Variants in TDRD12 observed in about 807,000 individuals in gnomAD.
TDRD12 encodes the protein putative ATP-dependent RNA helicase TDRD12.
Under a neutral mutation model 133.5 loss-of-function variants are expected in TDRD12, and 158 were observed. The observed-to-expected ratio is 1.18, with a 90% CI of 1.04 to 1.35. The LOEUF (loss-of-function observed/expected upper bound fraction) is 1.35, where lower values mean the gene tolerates loss of function less well. Ranked by LOEUF, TDRD12 falls within the 40% of genes most tolerant of loss-of-function variation. The pLI is 0.00. For synonymous variants in TDRD12, 460 were observed against 477.9 expected, an observed-to-expected ratio of 0.96 and a Z score of 0.49; for missense variants, 1,443 against 1,321.3, an observed-to-expected ratio of 1.09 and a Z score of -1.43.
intron 1 of TDRD12, among the ~76,000 whole-genome samples, chr19:32,730,480 T>G (rs190337608): frequency 2.8e-4 from 43 of 152,320 alleles, no homozygotes; most frequent in Non-Finnish European, 7.3e-5. Flanking sequence ...TTTGTATTTT[T>G]TCCAGGGTTT....
chr19:32,790,621 A>G (rs1415175716), intron 12 of TDRD12, 30 bp downstream of exon 12: 1 of 1,551,442 alleles, frequency 6.4e-7, no homozygotes, highest in African/African-American at 1.4e-5. Context: ...AAGTAAAATA[A>G]AAAGAGAGAA....
chr19:32,802,280 C>A (rs1971421976), intron 19 of TDRD12, among the ~76,000 whole-genome samples: 1 of 147,604 alleles, frequency 6.8e-6, no homozygotes. Flanking sequence ...TCATATATAT[C>A]ATGATAGTGA....
intron 26 of TDRD12, among the ~76,000 whole-genome samples, chr19:32,817,351 T>A (rs1467324139): frequency 6.6e-6 from 1 of 152,102 alleles, no homozygotes; most frequent in Non-Finnish European, 1.5e-5. Flanking sequence ...CTGGGCACTT[T>A]AAGTGGAATC....
At chr19:32,812,198 C>A (rs1444280734) in intron 24 of TDRD12, among the ~76,000 whole-genome samples, 1 of 152,074 alleles carries the variant, frequency 6.6e-6, no homozygotes, top group Non-Finnish European at 1.5e-5. Flanking sequence ...CCAGCCCTTG[C>A]AGACCTGTGC....
At chr19:32,825,625 T>TA (rs1967563793), downstream of TDRD12, among the ~76,000 whole-genome samples, 1 of 152,234 alleles carries the variant, frequency 6.6e-6, no homozygotes, top group South Asian at 2.1e-4. The surrounding 1 kb of genome is among the most constrained non-coding windows in gnomAD (Gnocchi z 4.1). Flanking sequence ...CTTAAGCCTG[T>TA]AATCCCACCA....
intron 6 of TDRD12, among the ~76,000 whole-genome samples, chr19:32,750,162 T>A (rs1969781541): frequency 6.6e-6 from 1 of 152,228 alleles, no homozygotes; most frequent in Non-Finnish European, 1.5e-5. Context: ...TATACTAATT[T>A]GCTGTAGCGT....
At chr19:32,750,670 C>T (rs1002663957) in intron 6 of TDRD12, among the ~76,000 whole-genome samples, 3 of 152,172 alleles carry the variant, frequency 2.0e-5, no homozygotes, top group Non-Finnish European at 2.9e-5. Context: ...CAGCACCTCC[C>T]ACTGCGCCTG....
intron 10 of TDRD12, among the ~76,000 whole-genome samples, chr19:32,776,095 C>CT (rs1293708766): frequency 6.6e-6 from 1 of 152,112 alleles, no homozygotes; most frequent in Non-Finnish European, 1.5e-5. Context: ...CGAGTTGGGG[C>CT]TTGTGTTGGG....
chr19:32,791,498 T>TA (rs966466836), intron 13 of TDRD12, among the ~76,000 whole-genome samples: 29 of 152,066 alleles, frequency 1.9e-4, no homozygotes, highest in African/African-American at 6.0e-4. Context: ...TAAAAAAAGT[T>TA]AAAAAAAAAT....
rs539272558 is a variant in TDRD12 at position 32,761,798 on chromosome 19, G to T, written c.865+4668G>T. 2.0e-5 allele frequency among the ~76,000 whole-genome samples: 3 copies of T among 152,072 alleles called. No individual in the cohort carries two copies. In the South Asian group the frequency reaches 6.2e-4, roughly 32 times the overall value. On this transcript the variant is annotated intron_variant, in intron 8 of 27. Coordinates refer to ENST00000444215, the Ensembl canonical transcript of TDRD12. ...TCTGCCTCCCAGGTTCAAGCCTCCT[G>T]CCTGAGCCCCGCGAGTAGCTGGGAT...
intron 27 of TDRD12, among the ~76,000 whole-genome samples, chr19:32,819,888 C>A (rs1259314749): frequency 6.6e-6 from 1 of 152,066 alleles, no homozygotes; most frequent in Admixed American, 6.6e-5. Flanking sequence ...GGTTTCCAGG[C>A]ACAGCCCACA....
At chr19:32,820,562 G>A (rs1967344415) in intron 27 of TDRD12, among the ~76,000 whole-genome samples, 1 of 152,218 alleles carries the variant, frequency 6.6e-6, no homozygotes, top group Non-Finnish European at 1.5e-5. Flanking sequence ...GTTCCCATAT[G>A]TTTAAATGTG....
At chr19:32,779,991 C>T (rs574200781) in intron 11 of TDRD12, among the ~76,000 whole-genome samples, 18 of 151,900 alleles carry the variant, frequency 1.2e-4, no homozygotes, top group Non-Finnish European at 2.4e-4. Flanking sequence ...CTTCTGTTGT[C>T]TTCCTTTAAA....
At chr19:32,795,377 C>T (rs962237951) in intron 14 of TDRD12, among the ~76,000 whole-genome samples, 3 of 150,966 alleles carry the variant, frequency 2.0e-5, no homozygotes, top group African/African-American at 7.3e-5. Context: ...AAATGGATAT[C>T]GAGTGTGTAA....
intron 1 of TDRD12, among the ~76,000 whole-genome samples, chr19:32,727,550 G>A (rs1968899478): frequency 6.6e-6 from 1 of 152,110 alleles, no homozygotes; most frequent in African/African-American, 2.4e-5. Context: ...CAAATCCAAC[G>A]TCACAAAGCA....
intron 8 of TDRD12, among the ~76,000 whole-genome samples, chr19:32,769,493 G>A (rs1376676375): frequency 2.6e-5 from 4 of 152,206 alleles, no homozygotes. Flanking sequence ...CTGCCTGTTT[G>A]CCCATAGCCT....
intron 25 of TDRD12, among the ~76,000 whole-genome samples, chr19:32,815,146 G>A (rs969719018): frequency 6.4e-5 from 7 of 109,002 alleles, no homozygotes; most frequent in African/African-American, 2.2e-4. Flanking sequence ...ATCTGACTAG[G>A]GGTTTATCCC....
At chr19:32,802,141 ATATATTATCATATATATAT>A (rs1451705895) in intron 19 of TDRD12, among the ~76,000 whole-genome samples, 1 of 143,092 alleles carries the variant, frequency 7.0e-6, no homozygotes, top group African/African-American at 2.7e-5. Context: ...TATATATGAT[ATATATTATCATATATATAT>A]ATGATAATAT....
intron 27 of TDRD12, among the ~76,000 whole-genome samples, chr19:32,819,749 A>G (rs1967315180): frequency 6.6e-6 from 1 of 152,198 alleles, no homozygotes. Flanking sequence ...AATGGCGAGA[A>G]TATTTCATGC....
Sources: gnomAD v4.1 joint callset for allele counts (sites outside exome capture counted in the v4.1 genomes callset) on GRCh38, gnomAD v4.1.1 for gene constraint, Gnocchi (gnomAD v3.1) non-coding constraint, MANE v1.5 for transcripts, NCBI Gene and HGNC (gene_info 2026-07-23, HGNC 2026-07-21) for gene names.